The following NRG4 variants were observed in gnomAD, a reference collection of about 807,000 sequenced individuals.
NRG4 encodes neuregulin 4.
NRG4 carries 10 observed loss-of-function variants against 15.0 expected under a neutral mutation model. That is an observed-to-expected ratio of 0.67 (90% confidence interval 0.41 to 1.13). The LOEUF is 1.13. Ranked by LOEUF, NRG4 falls within the 50% of genes most tolerant of loss-of-function variation. The probability of loss-of-function intolerance (pLI) is 0.00; values close to 1 mark genes in which losing one functional copy is unlikely to be tolerated. For synonymous variants in NRG4, 41 were observed against 50.1 expected (o/e 0.82, Z 0.77); for missense variants, 139 against 140.2 (o/e 0.99, Z 0.04).
intron 4 of NRG4, among the ~76,000 whole-genome samples, chr15:76,042,774 AGAG>A (rs1477872453): frequency 2.6e-5 from 4 of 152,148 alleles, no homozygotes; most frequent in African/African-American, 9.7e-5. Flanking sequence ...TCTGAAAAAG[AGAG>A]GAGGAGGGAA....
chr15:75,950,183 T>C (rs1209075441), intron 5 of NRG4, among the ~76,000 whole-genome samples: 1 of 152,210 alleles, frequency 6.6e-6, no homozygotes, highest in East Asian at 1.9e-4. Context: ...AGGCCTTTCG[T>C]ATTTTTGTCT....
Position 75,961,880 on chromosome 15 carries a change from C to T in NRG4, c.199G>A (p.Ala67Thr). Residue 67 changes from alanine (A) to threonine (T), a missense_variant, in exon 4 of 6, where the codon GCA (alanine) becomes ACA (threonine). Transcript: ENST00000394907. ...TKSNLFEAFVALAVLVTLIIG... is the reference protein window; with the variant it reads ...TKSNLFEAFVTLAVLVTLIIG... ...ATAAGTGTTACTAGGACCGCCAATGCCACAAAAGCTTCAAACAGGTTACTT... is the reference window on the plus strand; with the variant it reads ...ATAAGTGTTACTAGGACCGCCAATGTCACAAAAGCTTCAAACAGGTTACTT... 1 of 1,613,598 alleles carries T rather than the reference C, an allele frequency of 6.2e-7. No homozygotes were observed. Among genetic ancestry groups the T allele is most frequent in the South Asian group, 1.1e-5 (1 of 91,062 alleles).
intron 3 of NRG4, among the ~76,000 whole-genome samples, chr15:75,981,400 AAGAATTCTG>A (rs1184441485): frequency 1.3e-5 from 2 of 152,122 alleles, no homozygotes; most frequent in African/African-American, 4.8e-5. Context: ...TTGAATTCCC[AAGAATTCTG>A]AGTAAATTAT....
At chr15:76,060,171 G>A (rs1352110204), upstream of NRG4, among the ~76,000 whole-genome samples, 2 of 151,924 alleles carry the variant, frequency 1.3e-5, no homozygotes, top group South Asian at 2.1e-4. Flanking sequence ...CCCCCTGGCC[G>A]GGGGAGCCAG....
At chr15:75,976,477 T>C (rs1314292160) in intron 3 of NRG4, among the ~76,000 whole-genome samples, 1 of 152,238 alleles carries the variant, frequency 6.6e-6, no homozygotes, top group African/African-American at 2.4e-5. Flanking sequence ...CGTGGATTTA[T>C]CTACCTTTGG....
intron 3 of NRG4, among the ~76,000 whole-genome samples, chr15:75,965,091 T>C (rs1204716851): frequency 6.6e-6 from 1 of 151,692 alleles, no homozygotes; most frequent in Non-Finnish European, 1.5e-5. Context: ...CTGGGCATGG[T>C]GGCGGGCGCC....
At chr15:75,953,518 T>C (rs1345624331) in intron 5 of NRG4, among the ~76,000 whole-genome samples, 2 of 152,220 alleles carry the variant, frequency 1.3e-5, no homozygotes, top group Non-Finnish European at 2.9e-5. Context: ...TTGAAAGATA[T>C]TTTTGCTGGA....
chr15:76,017,208 A>G (rs2035007295), upstream of NRG4, among the ~76,000 whole-genome samples: 1 of 107,334 alleles, frequency 9.3e-6, no homozygotes, highest in South Asian at 3.1e-4. Context: ...ATATTCCTCC[A>G]GCCCTTTATT....
chr15:76,055,196 T>C (rs2036124252), intron 2 of NRG4, among the ~76,000 whole-genome samples: 1 of 152,168 alleles, frequency 6.6e-6, no homozygotes, highest in African/African-American at 2.4e-5. Context: ...GGCAGGAGAA[T>C]TGCTTGAACG....
intron 3 of NRG4, among the ~76,000 whole-genome samples, chr15:75,973,489 T>C (rs2033213314): frequency 6.6e-6 from 1 of 152,216 alleles, no homozygotes; most frequent in Non-Finnish European, 1.5e-5. Flanking sequence ...TCCAGTATGA[T>C]ATTGGCTGTG....
chr15:75,948,590 C>T (rs947821114), intron 5 of NRG4, among the ~76,000 whole-genome samples: 1 of 1,330 alleles, frequency 7.5e-4, no homozygotes, highest in Admixed American at 0.036. Context: ...TGAGTCACTG[C>T]GCCGCCCGGC....
intron 3 of NRG4, among the ~76,000 whole-genome samples, chr15:75,984,970 A>T (rs1364390485): frequency 6.6e-6 from 1 of 152,058 alleles, no homozygotes; most frequent in African/African-American, 2.4e-5. Context: ...TCAGCCTCCC[A>T]TGTAGCTGTG....
chr15:76,038,287 G>T (rs905674610), intron 4 of NRG4, among the ~76,000 whole-genome samples: 1 of 152,172 alleles, frequency 6.6e-6, no homozygotes, highest in Non-Finnish European at 1.5e-5. Flanking sequence ...CCACAACGTG[G>T]TATAGCACCA....
intron 5 of NRG4, chr15:75,951,162 TC>T: frequency 9.7e-6 from 1 of 103,610 alleles, no homozygotes; most frequent in African/African-American, 3.8e-5. Flanking sequence ...TTTTCTTTTT[TC>T]TTTTTTTTTT....
chr15:75,993,012 T>G (rs1047831591), intron 3 of NRG4, among the ~76,000 whole-genome samples: 1 of 152,138 alleles, frequency 6.6e-6, no homozygotes, highest in African/African-American at 2.4e-5. Context: ...AGTTCTGGGT[T>G]CATAGTTTTT....
intron 5 of NRG4, among the ~76,000 whole-genome samples, chr15:75,954,368 T>C (rs930747357): frequency 3.3e-5 from 5 of 151,992 alleles, no homozygotes; most frequent in African/African-American, 1.2e-4. Context: ...TTTGAATCTA[T>C]GTAATACATT....
At chr15:75,998,328 C>T (rs956442202) in intron 3 of NRG4, among the ~76,000 whole-genome samples, 8 of 151,924 alleles carry the variant, frequency 5.3e-5, no homozygotes, top group African/African-American at 1.9e-4. Context: ...AGGGAATAGG[C>T]GAAGAATGGG....
chr15:75,995,747 C>G (rs1292140933), intron 3 of NRG4, among the ~76,000 whole-genome samples: 1 of 152,156 alleles, frequency 6.6e-6, no homozygotes, highest in Non-Finnish European at 1.5e-5. Context: ...ATAATAGAGA[C>G]TAGCTGAATA....
At chr15:75,987,499 A>C (rs1266726229) in intron 3 of NRG4, among the ~76,000 whole-genome samples, 2 of 152,150 alleles carry the variant, frequency 1.3e-5, no homozygotes, top group South Asian at 2.1e-4. Context: ...CATGAGGGTC[A>C]TGAGGGTCAA....
Sources: gnomAD v4.1 joint callset for allele counts (sites outside exome capture counted in the v4.1 genomes callset) on GRCh38, gnomAD v4.1.1 for gene constraint, MANE v1.5 for transcripts, NCBI Gene and HGNC (gene_info 2026-07-23, HGNC 2026-07-21) for gene names.